The following MANBAL variants were observed in gnomAD, a reference collection of about 807,000 sequenced individuals.
MANBAL encodes protein MANBAL.
In MANBAL, 1 loss-of-function variant was observed where a neutral mutation model predicts 6.4. The ratio of observed to expected loss-of-function variants is 0.16; its 90% CI spans 0.06 to 0.74. The LOEUF (loss-of-function observed/expected upper bound fraction) is 0.74, where lower values mean the gene tolerates loss of function less well. MANBAL is among the 30% of genes least tolerant of loss of function. The probability of loss-of-function intolerance (pLI) is 0.78; values close to 1 mark genes in which losing one functional copy is unlikely to be tolerated. For synonymous variants in MANBAL, 47 were observed against 45.8 expected (o/e 1.03, Z -0.10); for missense variants, 100 against 107.8 (o/e 0.93, Z 0.32).
At chr20:37,299,154 C>T (rs1281610030) in intron 1 of MANBAL, among the ~76,000 whole-genome samples, 1 of 152,018 alleles carries the variant, frequency 6.6e-6, no homozygotes, top group African/African-American at 2.4e-5. Flanking sequence ...GATCGTGGCT[C>T]ACTGCCTTAA....
intron 2 of MANBAL, among the ~76,000 whole-genome samples, chr20:37,310,847 G>C (rs2069369955): frequency 6.6e-6 from 1 of 152,228 alleles, no homozygotes; most frequent in Admixed American, 6.5e-5. Context: ...AGTGCTCCCA[G>C]ATTTAAAGGC....
At chr20:37,301,001 G>A (rs1406490707) in intron 1 of MANBAL, among the ~76,000 whole-genome samples, 3 of 152,056 alleles carry the variant, frequency 2.0e-5, no homozygotes, top group Admixed American at 1.3e-4. Flanking sequence ...AAATCATCCA[G>A]GTGTGTTGGC....
At chr20:37,314,739 C>G (rs1019844925) in intron 2 of MANBAL, among the ~76,000 whole-genome samples, 1 of 152,190 alleles carries the variant, frequency 6.6e-6, no homozygotes, top group Non-Finnish European at 1.5e-5. Flanking sequence ...CTGGCTGGCT[C>G]TTCATATCTG....
intron 2 of MANBAL, among the ~76,000 whole-genome samples, chr20:37,310,197 G>A (rs566425469): frequency 3.8e-4 from 58 of 152,308 alleles, no homozygotes; most frequent in Admixed American, 2.0e-3. Flanking sequence ...CCGTGTCTCC[G>A]TTTGCCTTGT....
In MANBAL at chr20:37,316,295, T is replaced by C; in HGVS notation, c.151-13T>C. On this transcript the variant is annotated splice_polypyrimidine_tract_variant and intron_variant, in intron 2 of 2. Coordinates refer to ENST00000373606, the MANE Select transcript of MANBAL (RefSeq NM_001003897.2). ...TCCATCTAAGCAGGACTCTCCTTTTTATCACCTCACAGGAGGCTGAACCGT... is the reference window on the plus strand; with the variant it reads ...TCCATCTAAGCAGGACTCTCCTTTTCATCACCTCACAGGAGGCTGAACCGT... 6.2e-7 allele frequency: 1 copy of C among 1,612,204 alleles called. No homozygotes were observed. Among genetic ancestry groups the C allele is most frequent in the Non-Finnish European group, 8.5e-7 (1 of 1,179,074 alleles).
chr20:37,290,409 A>G (rs1054298171), intron 1 of MANBAL, among the ~76,000 whole-genome samples: 1 of 148,932 alleles, frequency 6.7e-6, no homozygotes, highest in African/African-American at 2.5e-5. Context: ...TGTACAACCC[A>G]TTGCCATAAA....
rs879069470 is a variant in MANBAL at position 37,316,529 on chromosome 20, C to A, written c.*114C>A. 18 of 821,408 alleles carry A rather than the reference C, an allele frequency of 2.2e-5. No homozygotes were observed. In the Middle Eastern group the frequency reaches 7.1e-4, roughly 32 times the overall value. The allele number at this position is 821,408 out of a possible 1,614,324, so 50.9% of individuals were successfully genotyped here. A position where few individuals can be genotyped will look rare whatever the true frequency, so the allele number is the denominator to read the frequency against. ...GGCTCAGGGTCTGAGGAGGCTGTGA[C>A]GCCCTATGACCGCAGAGATCTAGAC... On this transcript the variant is annotated 3_prime_UTR_variant, in exon 3 of 3. Coordinates refer to ENST00000373606, the MANE Select transcript of MANBAL (RefSeq NM_001003897.2).
chr20:37,309,827 ATCCACCCATTC>A, intron 2 of MANBAL, among the ~76,000 whole-genome samples: 1 of 152,270 alleles, frequency 6.6e-6, no homozygotes, highest in Non-Finnish European at 1.5e-5. Flanking sequence ...CCAGGCAAGC[ATCCACCCATTC>A]TCAACACCTC....
At chr20:37,310,371 G>T (rs534423493) in intron 2 of MANBAL, among the ~76,000 whole-genome samples, 113 of 152,360 alleles carry the variant, frequency 7.4e-4, no homozygotes, top group Non-Finnish European at 6.9e-4. Context: ...AAGCAGACTG[G>T]TCTGAGTGCT....
intron 1 of MANBAL, among the ~76,000 whole-genome samples, chr20:37,300,325 T>C (rs2069105151): frequency 6.6e-6 from 1 of 152,188 alleles, no homozygotes; most frequent in Admixed American, 6.5e-5. Context: ...TTCCCTCAGA[T>C]ACACAAATGG....
chr20:37,311,643 A>G (rs1400234004), intron 2 of MANBAL, among the ~76,000 whole-genome samples: 1 of 152,038 alleles, frequency 6.6e-6, no homozygotes, highest in African/African-American at 2.4e-5. Context: ...ATGCACCACC[A>G]CGCCTGGCTA....
At chr20:37,308,042 CTT>C (rs2069297631) in intron 2 of MANBAL, among the ~76,000 whole-genome samples, 1 of 152,194 alleles carries the variant, frequency 6.6e-6, no homozygotes, top group Admixed American at 6.5e-5. Context: ...TCCCTCCTGT[CTT>C]TTGCTTTTCT....
intron 1 of MANBAL, among the ~76,000 whole-genome samples, chr20:37,295,431 C>T (rs761066821): frequency 1.3e-5 from 2 of 152,098 alleles, no homozygotes; most frequent in South Asian, 2.1e-4. Flanking sequence ...GATATAATAC[C>T]GGCCCTTAAT....
intron 1 of MANBAL, among the ~76,000 whole-genome samples, chr20:37,299,120 A>C (rs1037993254): frequency 2.6e-5 from 4 of 151,872 alleles, no homozygotes; most frequent in African/African-American, 9.7e-5. Flanking sequence ...TCGCTCTGTC[A>C]CCCAGGCTGG....
chr20:37,311,339 G>A (rs1225054623), intron 2 of MANBAL, among the ~76,000 whole-genome samples: 1 of 152,200 alleles, frequency 6.6e-6, no homozygotes, highest in East Asian at 1.9e-4. Flanking sequence ...CTGGAGACAG[G>A]GGCCAAGACC....
intron 2 of MANBAL, among the ~76,000 whole-genome samples, chr20:37,305,436 CTT>C (rs2069234676): frequency 1.3e-5 from 2 of 152,132 alleles, no homozygotes; most frequent in African/African-American, 4.8e-5. Flanking sequence ...TTATTGTTCT[CTT>C]TAAGATTTTC....
chr20:37,312,997 T>G (rs2069421758), intron 2 of MANBAL, among the ~76,000 whole-genome samples: 1 of 152,194 alleles, frequency 6.6e-6, no homozygotes, highest in African/African-American at 2.4e-5. Flanking sequence ...GTTCTTTCAT[T>G]TCATTCATTC....
At chr20:37,301,531 G>C in intron 2 of MANBAL, 118 bp downstream of exon 2, 2 of 1,138,848 alleles carry the variant, frequency 1.8e-6, no homozygotes, top group South Asian at 4.1e-5. Context: ...TTTTGATTTA[G>C]TGTGCCTCTG....
rs1032583984 is a variant in MANBAL at position 37,316,893 on chromosome 20, T to G, written c.*478T>G. 6.5e-6 allele frequency: 1 copy of G among 153,438 alleles called. No homozygotes were observed. Among genetic ancestry groups the G allele is most frequent in the African/African-American group, 2.4e-5 (1 of 41,452 alleles). 9.5% of individuals were successfully genotyped at this position (153,438 alleles called of 1,614,324 possible). ...CAGAGCCAGGCCTCACCTGTTTGTT[T>G]AGGCCAAGATGCCATGGACATGCAG... On this transcript the variant is annotated 3_prime_UTR_variant, in exon 3 of 3. Transcript: ENST00000373606.
Sources: allele counts gnomAD v4.1 joint callset (sites outside exome capture counted in the v4.1 genomes callset), GRCh38; gene constraint gnomAD v4.1.1; transcripts MANE v1.5; gene names NCBI Gene and HGNC (gene_info 2026-07-23, HGNC 2026-07-21).